ZNF385D: variants seen among roughly 807,000 people sequenced by gnomAD.
The protein encoded by ZNF385D is zinc finger protein 385D, also known as zinc finger protein 659.
A neutral mutation model predicts 35.8 loss-of-function variants in ZNF385D; 15 were observed. The ratio of observed to expected loss-of-function variants is 0.42; its 90% CI spans 0.28 to 0.64. The LOEUF (loss-of-function observed/expected upper bound fraction) is 0.64, where lower values mean the gene tolerates loss of function less well. Among genes scored for constraint, ZNF385D ranks in the 30% least tolerant of loss-of-function variants. ZNF385D has a pLI of 0.23. For synonymous variants in ZNF385D, 212 were observed against 186.8 expected (o/e 1.13, Z -1.10); for missense variants, 474 against 494.6 (o/e 0.96, Z 0.39).
chr3:21,667,553 G>T (rs975650290), intron 1 of ZNF385D, among the ~76,000 whole-genome samples: 18 of 152,174 alleles, frequency 1.2e-4, no homozygotes, highest in Admixed American at 4.6e-4. Flanking sequence ...CAGAAATTCG[G>T]TAAGGGTTAA....
At chr3:21,456,452 T>C (rs960274179) in intron 4 of ZNF385D, among the ~76,000 whole-genome samples, 17 of 152,228 alleles carry the variant, frequency 1.1e-4, no homozygotes, top group African/African-American at 4.1e-4. Context: ...TGGATGAAGC[T>C]GGAAACCATC....
In ZNF385D at chr3:22,233,210, T is replaced by C. The variant is rs11927131; in HGVS notation, c.107-64175A>G. ...TATAGCTTCAGCCTTATTTCACTAATAAAATTGTTCAAAACCATATTCTAC... is the reference window on the plus strand; with the variant it reads ...TATAGCTTCAGCCTTATTTCACTAACAAAATTGTTCAAAACCATATTCTAC... On this transcript the variant is annotated intron_variant, in intron 2 of 5. Coordinates refer to the ZNF385D transcript ENST00000494108. 5.2e-3 allele frequency among the ~76,000 whole-genome samples: 786 copies of C among 152,264 alleles called. 12 individuals carry two copies. Among genetic ancestry groups the C allele is most frequent in the African/African-American group, 0.018 (736 of 41,550 alleles).
chr3:21,660,439 C>T, intron 2 of ZNF385D, among the ~76,000 whole-genome samples: 1 of 152,196 alleles, frequency 6.6e-6, no homozygotes, highest in South Asian at 2.1e-4. Context: ...AATCTTTATA[C>T]CAACTGGAAA....
Position 21,415,023 on chromosome 3 carries a change from G to A in ZNF385D, c.*6191C>T, listed in dbSNP as rs1416462906. On this transcript the variant is annotated 3_prime_UTR_variant, in exon 8 of 8. Coordinates refer to ENST00000281523, the MANE Select transcript of ZNF385D (RefSeq NM_024697.3). ...GAAATTATATAACAATGTGTGTTAA[G>A]TTGGGTTGACAAACGTCCAATAAAA... is the stretch of plus-strand genomic sequence containing the variant. 1.3e-5 allele frequency: 2 copies of A among 152,012 alleles called. No homozygotes were observed. The highest frequency in any genetic ancestry group is 1.3e-4 in the Admixed American group (2 of 15,244). The allele number at this position is 152,012 out of a possible 1,614,324, so 9.4% of individuals were successfully genotyped here. A position where few individuals can be genotyped will look rare whatever the true frequency, so the allele number is the denominator to read the frequency against.
intron 3 of ZNF385D, among the ~76,000 whole-genome samples, chr3:21,925,386 A>G (rs1258750266): frequency 6.6e-6 from 1 of 152,186 alleles, no homozygotes; most frequent in East Asian, 1.9e-4. Flanking sequence ...TCATTGAAGA[A>G]CAACTGCTGA....
At chr3:21,477,720 T>C (rs766602498) in intron 4 of ZNF385D, among the ~76,000 whole-genome samples, 4 of 152,160 alleles carry the variant, frequency 2.6e-5, no homozygotes, top group Non-Finnish European at 4.4e-5. Context: ...ACTGTTTTTG[T>C]TCATGGCTTC....
chr3:22,361,540 G>C (rs1007658519), intron 2 of ZNF385D, among the ~76,000 whole-genome samples: 2 of 151,964 alleles, frequency 1.3e-5, no homozygotes, highest in African/African-American at 2.4e-5. Context: ...TTTTGAAGCA[G>C]TTTTCAAATT....
chr3:21,478,830 G>A (rs1299966336), intron 4 of ZNF385D, among the ~76,000 whole-genome samples: 1 of 152,026 alleles, frequency 6.6e-6, no homozygotes, highest in African/African-American at 2.4e-5. Context: ...TTAAAGGACA[G>A]AAAGAAAGAT....
intron 3 of ZNF385D, among the ~76,000 whole-genome samples, chr3:22,063,313 T>G (rs1391778915): frequency 1.3e-5 from 2 of 152,194 alleles, no homozygotes; most frequent in Non-Finnish European, 2.9e-5. Context: ...TCCTTTTTCA[T>G]CAATGAGAAA....
chr3:21,574,341 A>C lies in ZNF385D; in HGVS notation c.166-9657T>G, dbSNP rs920160418. On this transcript the variant is annotated intron_variant, in intron 2 of 7. Transcript: ENST00000281523. ...CAAATTCCTAACTGAAAAAACTACAAAATAAATGACAAGGTTTCCTGAACA... is the reference window on the plus strand; with the variant it reads ...CAAATTCCTAACTGAAAAAACTACACAATAAATGACAAGGTTTCCTGAACA... Among the ~76,000 whole-genome samples, 5 of 152,096 alleles carry C rather than the reference A, an allele frequency of 3.3e-5. No homozygotes were observed. The South Asian group carries it at 1.0e-3, about 31-fold the overall frequency.
At position 21,711,894 on chromosome 3, in the gene ZNF385D, G is replaced by A. The variant is rs192495722; in HGVS notation, c.22+39001C>T. ...GGTGTGACAATCCTACAGAATACAA[G>A]TATGGAATTATAGGCCAAACAACTG... On this transcript the variant is annotated intron_variant, in intron 1 of 7. Transcript: ENST00000281523. 3.3e-5 allele frequency among the ~76,000 whole-genome samples: 5 copies of A among 152,226 alleles called. No homozygotes were observed. In the East Asian group the frequency reaches 9.7e-4, roughly 29 times the overall value.
intron 2 of ZNF385D, among the ~76,000 whole-genome samples, chr3:21,638,765 C>G (rs537702268): frequency 2.6e-5 from 4 of 152,142 alleles, no homozygotes; most frequent in Non-Finnish European, 5.9e-5. Flanking sequence ...TTTATTTAAG[C>G]CTTTATCTAC....
chr3:22,367,755 T>A (rs1369893318), intron 2 of ZNF385D, among the ~76,000 whole-genome samples: 2 of 152,106 alleles, frequency 1.3e-5, no homozygotes, highest in Admixed American at 1.3e-4. Flanking sequence ...TCTCTAATAA[T>A]CTCTTCTATT....
intron 3 of ZNF385D, among the ~76,000 whole-genome samples, chr3:22,112,051 C>T: frequency 6.6e-6 from 1 of 152,230 alleles, no homozygotes; most frequent in East Asian, 1.9e-4. Context: ...AGGACCACAA[C>T]AAAATTTACT....
rs149034930 is a variant in ZNF385D at position 21,630,864 on chromosome 3, G to A, written c.165+34022C>T. Reference sequence around the variant, plus strand: ...CATACCCAGGAAGGTAGTACTATTGGTGTCTCTCTTTTAAAGAAGAGGTAG... The same window carrying A: ...CATACCCAGGAAGGTAGTACTATTGATGTCTCTCTTTTAAAGAAGAGGTAG... On this transcript the variant is annotated intron_variant, in intron 2 of 7. Coordinates refer to ENST00000281523, the MANE Select transcript of ZNF385D (RefSeq NM_024697.3). 1.9e-3 allele frequency among the ~76,000 whole-genome samples: 283 copies of A among 152,186 alleles called. 1 individual carries two copies. Among genetic ancestry groups the A allele is most frequent in the East Asian group, 7.0e-3 (36 of 5,160 alleles).
chr3:22,274,030 G>C (rs1701306512), intron 2 of ZNF385D, among the ~76,000 whole-genome samples: 1 of 151,926 alleles, frequency 6.6e-6, no homozygotes, highest in Admixed American at 6.6e-5. Flanking sequence ...GTTTTAGTAA[G>C]CATATAAACA....
chr3:22,195,195 G>A lies in ZNF385D; in HGVS notation c.107-26160C>T, dbSNP rs114631917. On this transcript the variant is annotated intron_variant, in intron 2 of 5. Transcript: ENST00000494108. ...TGGTTTCTAGTGGAATCACACCGTG[G>A]TTTTAATTTGCATTTCCTTAATGAC... is the stretch of plus-strand genomic sequence containing the variant. Among the ~76,000 whole-genome samples, 789 of 151,916 alleles carry A rather than the reference G, an allele frequency of 5.2e-3. 9 individuals carry two copies. The highest frequency in any genetic ancestry group is 0.018 in the African/African-American group (744 of 41,498).
At chr3:21,677,069 T>C (rs1355276582) in intron 1 of ZNF385D, among the ~76,000 whole-genome samples, 1 of 152,036 alleles carries the variant, frequency 6.6e-6, no homozygotes, top group Non-Finnish European at 1.5e-5. Flanking sequence ...ATCTATATTA[T>C]GATAAAAGGA....
chr3:21,887,163 A>G (rs1305316802), intron 3 of ZNF385D, among the ~76,000 whole-genome samples: 1 of 152,158 alleles, frequency 6.6e-6, no homozygotes, highest in Non-Finnish European at 1.5e-5. Context: ...TGAGGACAGG[A>G]CTTTAATGGA....
Sources: allele counts gnomAD v4.1 joint callset (sites outside exome capture counted in the v4.1 genomes callset), GRCh38; gene constraint gnomAD v4.1.1; transcripts MANE v1.5; gene names NCBI Gene and HGNC (gene_info 2026-07-23, HGNC 2026-07-21).